The following ADGRL3 variants were observed in gnomAD, a reference collection of about 807,000 sequenced individuals.
The protein encoded by ADGRL3 is adhesion G protein-coupled receptor L3, also known as calcium-independent alpha-latrotoxin receptor 3.
Under a neutral mutation model 153.5 loss-of-function variants are expected in ADGRL3, and 62 were observed. The ratio of observed to expected loss-of-function variants is 0.40; its 90% CI spans 0.33 to 0.50. The LOEUF (loss-of-function observed/expected upper bound fraction) is 0.50, where lower values mean the gene tolerates loss of function less well. ADGRL3 is among the 20% of genes least tolerant of loss of function. ADGRL3 has a pLI of 0.47. For synonymous variants in ADGRL3, 710 were observed against 672.5 expected, an observed-to-expected ratio of 1.06 and a Z score of -0.86; for missense variants, 1,641 against 1,859.4, an observed-to-expected ratio of 0.88 and a Z score of 2.16.
intron 21 of ADGRL3, among the ~76,000 whole-genome samples, chr4:62,004,244 T>G (rs1356925547): frequency 6.6e-6 from 1 of 151,980 alleles, no homozygotes; most frequent in Non-Finnish European, 1.5e-5. Flanking sequence ...TTATGAAAAA[T>G]GCATCTTAAT....
intron 2 of ADGRL3, among the ~76,000 whole-genome samples, chr4:61,414,311 T>C (rs2097122976): frequency 6.6e-6 from 1 of 152,204 alleles, no homozygotes; most frequent in Admixed American, 6.5e-5. Context: ...TAAGCAATGC[T>C]TCTCAAACGT....
At chr4:61,303,368 C>T (rs557198310) in intron 1 of ADGRL3, among the ~76,000 whole-genome samples, 4 of 151,900 alleles carry the variant, frequency 2.6e-5, no homozygotes, top group Middle Eastern at 3.4e-3. Flanking sequence ...TTAGTGCATG[C>T]GAAGTGCTTA....
chr4:61,302,286 G>A (rs1343975563), intron 1 of ADGRL3, among the ~76,000 whole-genome samples: 1 of 152,066 alleles, frequency 6.6e-6, no homozygotes, highest in East Asian at 1.9e-4. Flanking sequence ...GACGAGACCA[G>A]TGTGTTAATA....
chr4:61,819,298 C>T (rs1217434162), intron 9 of ADGRL3, among the ~76,000 whole-genome samples: 1 of 152,048 alleles, frequency 6.6e-6, no homozygotes, highest in Non-Finnish European at 1.5e-5. Context: ...GAAATTCTAT[C>T]TCCAGTAATT....
At chr4:61,341,601 T>C (rs578194334) in intron 1 of ADGRL3, among the ~76,000 whole-genome samples, 36 of 152,006 alleles carry the variant, frequency 2.4e-4, no homozygotes, top group African/African-American at 8.2e-4. Context: ...AATAGAAATA[T>C]AGCTGTTATG....
intron 9 of ADGRL3, among the ~76,000 whole-genome samples, chr4:61,848,317 G>C (rs2098161754): frequency 6.6e-6 from 1 of 150,832 alleles, no homozygotes; most frequent in Non-Finnish European, 1.5e-5. Flanking sequence ...GTTGGGCCAT[G>C]TTCCCTCTGA....
At chr4:61,498,616 A>G (rs757942173) in intron 3 of ADGRL3, among the ~76,000 whole-genome samples, 6 of 152,176 alleles carry the variant, frequency 3.9e-5, no homozygotes, top group Non-Finnish European at 8.8e-5. Flanking sequence ...TTTTAAAGAA[A>G]GGTGTGATTA....
chr4:61,469,731 G>A (rs2097923002), intron 2 of ADGRL3, among the ~76,000 whole-genome samples: 1 of 151,994 alleles, frequency 6.6e-6, no homozygotes, highest in Non-Finnish European at 1.5e-5. Flanking sequence ...ATAGTTTACA[G>A]CGTAAGAATG....
At chr4:62,023,757 T>C (rs1716668585) in intron 21 of ADGRL3, among the ~76,000 whole-genome samples, 1 of 152,174 alleles carries the variant, frequency 6.6e-6, no homozygotes, top group Non-Finnish European at 1.5e-5. Flanking sequence ...TATAGTGTTT[T>C]ACTCTATTGC....
intron 4 of ADGRL3, among the ~76,000 whole-genome samples, chr4:61,519,001 A>G (rs1409373376): frequency 6.6e-6 from 1 of 152,216 alleles, no homozygotes; most frequent in African/African-American, 2.4e-5. Context: ...ATAATATATA[A>G]TGAATATTAG....
rs565098961 is a variant in ADGRL3, at chr4:61,757,254, C to CT, written c.1399+23707dup. 9.3e-3 allele frequency among the ~76,000 whole-genome samples: 1,421 copies of CT among 152,122 alleles called. 29 individuals carry two copies. The highest frequency in any genetic ancestry group is 0.032 in the African/African-American group (1,347 of 41,492). On this transcript the variant is annotated intron_variant, in intron 8 of 26. Coordinates refer to ENST00000683033, the MANE Select transcript of ADGRL3 (RefSeq NM_001387552.1). ...GGCTGTGAATCCATCTGGTCCTGGA[C>CT]TTTTTTTGGTTGGTAAGCTATTAAT...
chr4:61,392,947 T>G (rs994303717), intron 2 of ADGRL3, among the ~76,000 whole-genome samples: 1 of 152,004 alleles, frequency 6.6e-6, no homozygotes, highest in Non-Finnish European at 1.5e-5. Context: ...CTCTTATATG[T>G]CACAGCAAAG....
chr4:61,361,005 C>G (rs939461384), intron 1 of ADGRL3, among the ~76,000 whole-genome samples: 25 of 152,142 alleles, frequency 1.6e-4, no homozygotes, highest in African/African-American at 6.0e-4. Context: ...ATGCTACCCA[C>G]AAAACACTAT....
At chr4:61,718,447 G>C (rs1406990486) in intron 6 of ADGRL3, among the ~76,000 whole-genome samples, 1 of 152,132 alleles carries the variant, frequency 6.6e-6, no homozygotes, top group Non-Finnish European at 1.5e-5. Flanking sequence ...TAAGTTAGCA[G>C]AATTTGTCAT....
intron 5 of ADGRL3, among the ~76,000 whole-genome samples, chr4:61,604,518 G>A (rs1579805006): frequency 2.0e-5 from 3 of 152,198 alleles, no homozygotes. Context: ...ATATGACTTA[G>A]CAAAGAAAAG....
intron 5 of ADGRL3, among the ~76,000 whole-genome samples, chr4:61,602,396 A>G (rs2149540536): frequency 6.6e-6 from 1 of 152,264 alleles, no homozygotes; most frequent in South Asian, 2.1e-4. Context: ...GCCTCCATGG[A>G]ATACTTGGCA....
chr4:61,371,960 T>A (rs992371437), intron 1 of ADGRL3, among the ~76,000 whole-genome samples: 1 of 152,176 alleles, frequency 6.6e-6, no homozygotes, highest in Non-Finnish European at 1.5e-5. Context: ...AAACTTCCGT[T>A]CTTGCTTCAT....
At chr4:61,518,400 AT>A (rs34532298) in intron 4 of ADGRL3, among the ~76,000 whole-genome samples, 152,152 of 152,340 alleles carry the variant, frequency 1, 75,983 homozygotes, top group Middle Eastern at 1. Flanking sequence ...GGATACACAT[AT>A]TAAGTAATAC....
intron 15 of ADGRL3, among the ~76,000 whole-genome samples, chr4:61,946,479 C>G (rs2098924932): frequency 6.6e-6 from 1 of 151,202 alleles, no homozygotes; most frequent in Non-Finnish European, 1.5e-5. Context: ...TTTCAGTTTC[C>G]TTGTTTGTTT....
Sources: allele counts gnomAD v4.1 joint callset (sites outside exome capture counted in the v4.1 genomes callset), GRCh38; gene constraint gnomAD v4.1.1; transcripts MANE v1.5; gene names NCBI Gene and HGNC (gene_info 2026-07-23, HGNC 2026-07-21).